Variants in SUPT3H observed in about 807,000 individuals in gnomAD.
The protein encoded by SUPT3H is transcription initiation protein SPT3 homolog.
Under a neutral mutation model 44.3 loss-of-function variants are expected in SUPT3H, and 44 were observed. That is an observed-to-expected ratio of 0.99 (90% CI 0.78 to 1.28). The LOEUF (loss-of-function observed/expected upper bound fraction) is 1.28, where lower values mean the gene tolerates loss of function less well. SUPT3H is among the 50% of genes most tolerant of loss of function. The pLI is 0.00. For missense variants in SUPT3H, 380 were observed against 387.1 expected, an observed-to-expected ratio of 0.98 and a Z score of 0.15; for synonymous variants, 124 against 125.6, an observed-to-expected ratio of 0.99 and a Z score of 0.09.
chr6:45,003,882 A>G (rs72867426), intron 5 of SUPT3H, 90 bp from the exon 6 acceptor site: 27,646 of 1,369,280 alleles, frequency 0.02, 352 homozygotes, highest in South Asian at 0.034. Flanking sequence ...ATAGTATACC[A>G]AATTCAGAAT....
intron 2 of SUPT3H, among the ~76,000 whole-genome samples, chr6:45,315,893 C>G (rs766322516): frequency 6.6e-6 from 1 of 151,194 alleles, no homozygotes; most frequent in African/African-American, 2.4e-5. Flanking sequence ...GCCTATCAAT[C>G]AATGAGTGGA....
chr6:45,315,889 C>T lies in SUPT3H; in HGVS notation c.101+49312G>A, dbSNP rs1460510797. 2.0e-5 allele frequency among the ~76,000 whole-genome samples: 3 copies of T among 151,670 alleles called. 1 individual carries two copies. Among genetic ancestry groups the T allele is most frequent in the South Asian group, 4.2e-4 (2 of 4,804 alleles). On this transcript the variant is annotated intron_variant, in intron 2 of 10. Coordinates refer to ENST00000371459, the MANE Select transcript of SUPT3H (RefSeq NM_003599.4). Reference sequence around the variant, plus strand: ...TCATGGAACCAACCCAAATGCCTATCAATCAATGAGTGGATAAAGAAGCTC... The same window carrying T: ...TCATGGAACCAACCCAAATGCCTATTAATCAATGAGTGGATAAAGAAGCTC...
intron 7 of SUPT3H, among the ~76,000 whole-genome samples, 197 bp downstream of exon 7, chr6:44,961,556 T>G (rs1776021332): frequency 6.6e-6 from 1 of 152,182 alleles, no homozygotes; most frequent in South Asian, 2.1e-4. Context: ...CCTCTTAATG[T>G]TATTAACTGC....
intron 10 of SUPT3H, among the ~76,000 whole-genome samples, chr6:44,928,288 CT>C (rs1161419885): frequency 6.6e-6 from 1 of 152,104 alleles, no homozygotes; most frequent in Non-Finnish European, 1.5e-5. Context: ...CAAAAGCACT[CT>C]AGAATACTGC....
At chr6:45,330,378 A>C (rs530860995) in intron 2 of SUPT3H, among the ~76,000 whole-genome samples, 6 of 152,104 alleles carry the variant, frequency 3.9e-5, no homozygotes, top group African/African-American at 1.4e-4. Context: ...AAGAATAGTT[A>C]AAACTACTGT....
At chr6:45,372,155 G>C (rs1358910223) in intron 1 of SUPT3H, 2 of 381,908 alleles carry the variant, frequency 5.2e-6, no homozygotes, top group Non-Finnish European at 7.2e-6. Context: ...AGGCTCTGGA[G>C]TTAAATTATA....
intron 6 of SUPT3H, among the ~76,000 whole-genome samples, chr6:44,978,684 T>C (rs1778677596): frequency 6.6e-6 from 1 of 152,216 alleles, no homozygotes; most frequent in Admixed American, 6.5e-5. Flanking sequence ...CCTTCCTTTC[T>C]ATTCGTTCTA....
At chr6:45,148,684 C>G (rs953639340) in intron 2 of SUPT3H, among the ~76,000 whole-genome samples, 2 of 152,152 alleles carry the variant, frequency 1.3e-5, no homozygotes, top group African/African-American at 4.8e-5. Flanking sequence ...AAGCTACAAC[C>G]TCTTCTGCTT....
At chr6:44,919,616 T>C (rs989093956) in intron 10 of SUPT3H, among the ~76,000 whole-genome samples, 5 of 152,174 alleles carry the variant, frequency 3.3e-5, no homozygotes, top group Non-Finnish European at 7.3e-5. Flanking sequence ...CTCGAGAACA[T>C]TTCTAATTGT....
At chr6:45,088,494 T>A (rs541241690) in intron 3 of SUPT3H, among the ~76,000 whole-genome samples, 4 of 152,026 alleles carry the variant, frequency 2.6e-5, no homozygotes, top group Non-Finnish European at 5.9e-5. Context: ...ATAATGCCTA[T>A]GATGTAGGTA....
chr6:45,017,178 T>G lies in SUPT3H; in HGVS notation c.274-2287A>C, dbSNP rs530696117. Among the ~76,000 whole-genome samples, 245 of 151,590 alleles carry G rather than the reference T, an allele frequency of 1.6e-3. 3 individuals carry two copies. The highest frequency in any genetic ancestry group is 5.6e-3 in the African/African-American group (231 of 41,380). On this transcript the variant is annotated intron_variant, in intron 4 of 10. Transcript: ENST00000371459. ...GTGTCTGTTCATATCCTTTGCCCAC[T>G]TTTTGATGGGGTTGTTTGTTTTTTT...
intron 2 of SUPT3H, among the ~76,000 whole-genome samples, chr6:45,364,228 G>A (rs1394375351): frequency 6.6e-6 from 1 of 152,004 alleles, no homozygotes; most frequent in Non-Finnish European, 1.5e-5. Context: ...AGGATCCTAA[G>A]GCCAAAAAGT....
At chr6:44,946,986 A>G (rs1773452490) in intron 9 of SUPT3H, among the ~76,000 whole-genome samples, 1 of 152,208 alleles carries the variant, frequency 6.6e-6, no homozygotes, top group Admixed American at 6.5e-5. Flanking sequence ...ACCTTCGGCA[A>G]CCACCACCCT....
intron 6 of SUPT3H, among the ~76,000 whole-genome samples, chr6:44,976,043 A>C (rs1332954887): frequency 1.3e-5 from 2 of 152,228 alleles, no homozygotes; most frequent in African/African-American, 4.8e-5. Context: ...TTAATGCTAA[A>C]GTTTCCTTTC....
At chr6:45,141,410 A>C (rs966451391) in intron 2 of SUPT3H, among the ~76,000 whole-genome samples, 5 of 151,112 alleles carry the variant, frequency 3.3e-5, no homozygotes, top group African/African-American at 1.2e-4. Context: ...AGGAGACACC[A>C]AAGAAAGGTG....
chr6:45,335,438 G>C (rs1056046077), intron 2 of SUPT3H, among the ~76,000 whole-genome samples: 1 of 150,916 alleles, frequency 6.6e-6, no homozygotes, highest in Non-Finnish European at 1.5e-5. Context: ...GTATCAAAAA[G>C]GTACACAGTA....
chr6:45,270,157 A>G (rs564374011), intron 2 of SUPT3H, among the ~76,000 whole-genome samples: 1 of 152,308 alleles, frequency 6.6e-6, no homozygotes, highest in East Asian at 1.9e-4. Flanking sequence ...TATAAACCTT[A>G]TGTTCAACAT....
intron 10 of SUPT3H, among the ~76,000 whole-genome samples, chr6:44,862,168 AG>A (rs1468046372): frequency 6.6e-6 from 1 of 152,072 alleles, no homozygotes; most frequent in Non-Finnish European, 1.5e-5. Context: ...CTGACAATGC[AG>A]TGCTGTTTCA....
intron 2 of SUPT3H, among the ~76,000 whole-genome samples, chr6:45,196,266 A>G (rs1816005550): frequency 6.6e-6 from 1 of 152,072 alleles, no homozygotes; most frequent in South Asian, 2.1e-4. Flanking sequence ...AGACCATAGC[A>G]CCACTGTTTG....
Sources: gnomAD v4.1 joint callset for allele counts (sites outside exome capture counted in the v4.1 genomes callset) on GRCh38, gnomAD v4.1.1 for gene constraint, MANE v1.5 for transcripts, NCBI Gene and HGNC (gene_info 2026-07-23, HGNC 2026-07-21) for gene names.